SEM1: variants seen among roughly 807,000 people sequenced by gnomAD.
The protein encoded by SEM1 is SEM1 26S proteasome subunit, also known as 26S proteasome complex subunit SEM1.
A neutral mutation model predicts 12.7 loss-of-function variants in SEM1; 3 were observed. That is an observed-to-expected ratio of 0.24 (90% CI 0.11 to 0.61). The LOEUF (loss-of-function observed/expected upper bound fraction) is 0.61. Ranked by LOEUF, SEM1 falls within the 20% of genes least tolerant of loss-of-function variation. The pLI is 0.88. For missense variants in SEM1, 59 were observed against 81.3 expected (o/e 0.73, Z 1.06); for synonymous variants, 30 against 27.8 (o/e 1.08, Z -0.25).
At chr7:96,681,642 A>G (rs924745017) in intron 2 of SEM1, among the ~76,000 whole-genome samples, 20 of 152,144 alleles carry the variant, frequency 1.3e-4, no homozygotes, top group Non-Finnish European at 2.5e-4. Flanking sequence ...TAAATAAGGA[A>G]TCCTTTCCCC....
At chr7:96,683,066 G>C (rs886271448) in intron 2 of SEM1, among the ~76,000 whole-genome samples, 1 of 152,100 alleles carries the variant, frequency 6.6e-6, no homozygotes, top group East Asian at 1.9e-4. Flanking sequence ...ACAGATGCTG[G>C]AGAGGATGTA....
intron 2 of SEM1, among the ~76,000 whole-genome samples, chr7:96,523,294 G>A (rs980489391): frequency 1.3e-5 from 2 of 152,090 alleles, no homozygotes; most frequent in Non-Finnish European, 2.9e-5. Context: ...ACTTTCAAAG[G>A]ACTTCCAGTC....
chr7:96,641,959 G>A (rs1005042157), intron 2 of SEM1, among the ~76,000 whole-genome samples: 9 of 151,804 alleles, frequency 5.9e-5, no homozygotes, highest in South Asian at 2.1e-4. Flanking sequence ...AAGCATTGAC[G>A]GAAATAATAA....
chr7:96,595,110 C>T (rs1298760145), intron 2 of SEM1, among the ~76,000 whole-genome samples: 1 of 152,112 alleles, frequency 6.6e-6, no homozygotes, highest in East Asian at 1.9e-4. Context: ...TTAGAATTTA[C>T]ATGAAGCTTC....
chr7:96,700,584 T>C (rs1291550648), intron 1 of SEM1, among the ~76,000 whole-genome samples: 1 of 152,214 alleles, frequency 6.6e-6, no homozygotes, highest in African/African-American at 2.4e-5. Flanking sequence ...TCAAACCATG[T>C]TGTTAAAGGG....
At chr7:96,501,839 A>G (rs1803566977) in intron 3 of SEM1, among the ~76,000 whole-genome samples, 1 of 152,100 alleles carries the variant, frequency 6.6e-6, no homozygotes, top group African/African-American at 2.4e-5. Context: ...TGAATGTAGT[A>G]CCCAATAGTT....
intron 2 of SEM1, among the ~76,000 whole-genome samples, chr7:96,513,041 G>A (rs1394732952): frequency 6.6e-6 from 1 of 152,078 alleles, no homozygotes; most frequent in African/African-American, 2.4e-5. Context: ...TTTGGAAACA[G>A]GATCTTTGCA....
chr7:96,487,390 A>G (rs942251012), intron 1 of SEM1, among the ~76,000 whole-genome samples: 1 of 150,048 alleles, frequency 6.7e-6, no homozygotes, highest in Non-Finnish European at 1.5e-5. Flanking sequence ...TTTGATCAGT[A>G]TGGACTTTTA....
intron 2 of SEM1, 40 bp from the exon 3 acceptor site, chr7:96,689,006 T>C: frequency 8.1e-7 from 1 of 1,240,294 alleles, no homozygotes; most frequent in Middle Eastern, 1.9e-4. Flanking sequence ...GTATTCTTTA[T>C]AATAAACATT....
At chr7:96,637,654 A>G (rs554963003) in intron 2 of SEM1, among the ~76,000 whole-genome samples, 1 of 152,092 alleles carries the variant, frequency 6.6e-6, no homozygotes, top group South Asian at 2.1e-4. Flanking sequence ...AAATGCTAAG[A>G]TAATGTACTT....
chr7:96,681,889 A>G (rs1352352735), intron 2 of SEM1, among the ~76,000 whole-genome samples: 1 of 152,098 alleles, frequency 6.6e-6, no homozygotes, highest in East Asian at 1.9e-4. Flanking sequence ...GTTTCATATG[A>G]AATTTAAAGT....
At chr7:96,550,414 T>C (rs1805232453) in intron 2 of SEM1, among the ~76,000 whole-genome samples, 1 of 152,150 alleles carries the variant, frequency 6.6e-6, no homozygotes, top group Non-Finnish European at 1.5e-5. Flanking sequence ...CTGAACTGCA[T>C]TTATTATTTT....
chr7:96,531,146 G>A (rs138915050), intron 2 of SEM1, among the ~76,000 whole-genome samples: 2 of 152,156 alleles, frequency 1.3e-5, no homozygotes, highest in African/African-American at 4.8e-5. Flanking sequence ...ATAGAAAGAT[G>A]ACCATATAAA....
rs556994049 is a variant in SEM1, at chr7:96,690,260, C to A, written c.171-1294G>T. ...TAACAGCAGCAACAAAAACAATGAA[C>A]AAAAAAACCCCAAAGTTCAACCTAC... On this transcript the variant is annotated intron_variant, in intron 2 of 2. Transcript: ENST00000248566. 2.0e-5 allele frequency among the ~76,000 whole-genome samples: 3 copies of A among 152,082 alleles called. No homozygotes were observed. In the East Asian group the frequency reaches 5.8e-4, roughly 29 times the overall value.
intron 2 of SEM1, among the ~76,000 whole-genome samples, chr7:96,516,986 T>C (rs1804114587): frequency 6.6e-6 from 1 of 152,124 alleles, no homozygotes; most frequent in African/African-American, 2.4e-5. Context: ...GCCTACATAC[T>C]GTATGATTCC....
intron 1 of SEM1, among the ~76,000 whole-genome samples, chr7:96,698,377 A>G (rs1222672637): frequency 6.6e-6 from 1 of 151,968 alleles, no homozygotes; most frequent in Admixed American, 6.6e-5. Flanking sequence ...TAAGTCCCAC[A>G]CGAATTAAGT....
chr7:96,698,340 G>A (rs577958342), intron 1 of SEM1, among the ~76,000 whole-genome samples: 172 of 152,116 alleles, frequency 1.1e-3, no homozygotes, highest in African/African-American at 4.0e-3. Flanking sequence ...GTGGTTTGCT[G>A]CACCCATCAA....
chr7:96,567,681 CAA>C (rs1331271283), intron 2 of SEM1, among the ~76,000 whole-genome samples: 2 of 151,378 alleles, frequency 1.3e-5, no homozygotes, highest in Non-Finnish European at 3.0e-5. Context: ...ATTTTTTTAT[CAA>C]GAGTCTTTTA....
At chr7:96,636,193 G>T (rs1204034923) in intron 2 of SEM1, among the ~76,000 whole-genome samples, 1 of 151,998 alleles carries the variant, frequency 6.6e-6, no homozygotes, top group Non-Finnish European at 1.5e-5. Flanking sequence ...TGTCAAGGAA[G>T]ATATATAACA....
Sources: allele counts gnomAD v4.1 joint callset (sites outside exome capture counted in the v4.1 genomes callset), GRCh38; gene constraint gnomAD v4.1.1; transcripts MANE v1.5; gene names NCBI Gene and HGNC (gene_info 2026-07-23, HGNC 2026-07-21).